Variants in ADAM10 observed in about 807,000 individuals in gnomAD.
The protein encoded by ADAM10 is ADAM metallopeptidase domain 10, also known as disintegrin and metalloproteinase domain-containing protein 10.
Under a neutral mutation model 90.1 loss-of-function variants are expected in ADAM10, and 17 were observed. The ratio of observed to expected loss-of-function variants is 0.19; its 90% CI spans 0.13 to 0.28. ADAM10 has a LOEUF of 0.28. ADAM10 is among the 10% of genes least tolerant of loss of function. The pLI is 1.00. For synonymous variants in ADAM10, 310 were observed against 298.6 expected, an observed-to-expected ratio of 1.04 and a Z score of -0.40; for missense variants, 610 against 914.3, an observed-to-expected ratio of 0.67 and a Z score of 4.29.
intron 4 of ADAM10, among the ~76,000 whole-genome samples, chr15:58,669,902 A>G (rs1897156587): frequency 6.6e-6 from 1 of 152,180 alleles, no homozygotes; most frequent in Admixed American, 6.6e-5. Context: ...TTGTGCTTAT[A>G]TAACATTTCA....
intron 14 of ADAM10, among the ~76,000 whole-genome samples, chr15:58,602,973 T>G (rs1895156391): frequency 6.6e-6 from 1 of 152,240 alleles, no homozygotes. Flanking sequence ...GCTGGCAAAC[T>G]TGTGAGAAAT....
intron 5 of ADAM10, among the ~76,000 whole-genome samples, chr15:58,663,112 T>C (rs896636793): frequency 6.6e-6 from 1 of 152,376 alleles, no homozygotes; most frequent in East Asian, 1.9e-4. Context: ...TAGTTAGATA[T>C]CAGTTACTCT....
chr15:58,642,315 A>C (rs546002207), intron 7 of ADAM10, among the ~76,000 whole-genome samples: 261 of 152,126 alleles, frequency 1.7e-3, no homozygotes, highest in African/African-American at 6.0e-3. Flanking sequence ...AAATACAAAA[A>C]TTAGCCGGGC....
At chr15:58,729,994 A>C (rs1899180499) in intron 1 of ADAM10, among the ~76,000 whole-genome samples, 1 of 128,066 alleles carries the variant, frequency 7.8e-6, no homozygotes. Context: ...AACAAAACAA[A>C]CAAACAAACA....
chr15:58,718,909 G>A (rs1291194479), intron 1 of ADAM10, among the ~76,000 whole-genome samples: 2 of 152,132 alleles, frequency 1.3e-5, no homozygotes, highest in African/African-American at 2.4e-5. Context: ...CTCTACCTAG[G>A]TTCCCTCTCA....
At chr15:58,620,066 A>C (rs1388321012) in intron 11 of ADAM10, among the ~76,000 whole-genome samples, 2 of 152,152 alleles carry the variant, frequency 1.3e-5, no homozygotes, top group Non-Finnish European at 2.9e-5. Flanking sequence ...AATATTAGGC[A>C]ATTTATCAGT....
chr15:58,702,572 A>C (rs1387288844), intron 2 of ADAM10, among the ~76,000 whole-genome samples: 1 of 152,232 alleles, frequency 6.6e-6, no homozygotes, highest in African/African-American at 2.4e-5. Context: ...CAAGTACCCC[A>C]GAAACATGTA....
intron 6 of ADAM10, among the ~76,000 whole-genome samples, 180 bp downstream of exon 6, chr15:58,645,875 A>G (rs1214097730): frequency 6.6e-6 from 1 of 152,290 alleles, no homozygotes; most frequent in Admixed American, 6.5e-5. Flanking sequence ...TTTTGACACT[A>G]AAATATCCCA....
chr15:58,688,446 T>TAAA (rs11381678), intron 2 of ADAM10, among the ~76,000 whole-genome samples: 1 of 150,074 alleles, frequency 6.7e-6, no homozygotes. Context: ...CACAAACTAT[T>TAAA]AAAAAAAACA....
intron 9 of ADAM10, among the ~76,000 whole-genome samples, chr15:58,631,169 C>T (rs540254380): frequency 1.7e-4 from 26 of 152,116 alleles, no homozygotes; most frequent in Non-Finnish European, 3.2e-4. Context: ...TGAGTAGATG[C>T]CAGCACCATG....
intron 14 of ADAM10, chr15:58,609,905 T>C (rs1208894428): frequency 7.8e-6 from 2 of 255,210 alleles, no homozygotes; most frequent in East Asian, 1.0e-4. Flanking sequence ...CCAGAGATTA[T>C]ACTGAAAGAT....
chr15:58,628,466 A>C (rs1896010342), intron 9 of ADAM10, among the ~76,000 whole-genome samples: 1 of 152,214 alleles, frequency 6.6e-6, no homozygotes. Context: ...ATAAAACCAA[A>C]ATACTGCTTT....
intron 1 of ADAM10, among the ~76,000 whole-genome samples, chr15:58,734,081 A>G (rs1277410773): frequency 6.6e-6 from 1 of 152,106 alleles, no homozygotes; most frequent in Non-Finnish European, 1.5e-5. Context: ...CCCAAACTAT[A>G]TATCCTATTT....
intron 14 of ADAM10, among the ~76,000 whole-genome samples, chr15:58,604,759 C>G (rs1353780680): frequency 6.6e-6 from 1 of 151,710 alleles, no homozygotes; most frequent in Non-Finnish European, 1.5e-5. Flanking sequence ...TTTTTTTTCT[C>G]TTTTAAGAGA....
chr15:58,655,082 A>G (rs984915173), intron 5 of ADAM10, among the ~76,000 whole-genome samples: 1 of 152,182 alleles, frequency 6.6e-6, no homozygotes, highest in African/African-American at 2.4e-5. Context: ...TCCATTGCTG[A>G]AAGTGGGGTA....
chr15:58,606,464 A>G (rs16940587), intron 14 of ADAM10, among the ~76,000 whole-genome samples: 1 of 152,078 alleles, frequency 6.6e-6, no homozygotes, highest in Non-Finnish European at 1.5e-5. Context: ...AAATTATTAC[A>G]TTTGAGAAAT....
chr15:58,657,580 T>G (rs890940880), intron 5 of ADAM10, among the ~76,000 whole-genome samples: 1 of 152,244 alleles, frequency 6.6e-6, no homozygotes, highest in Non-Finnish European at 1.5e-5. Flanking sequence ...TCTGATAGTA[T>G]TCCGAATTCC....
At chr15:58,659,980 G>A (rs1010374190) in intron 5 of ADAM10, among the ~76,000 whole-genome samples, 4 of 152,012 alleles carry the variant, frequency 2.6e-5, no homozygotes, top group East Asian at 1.9e-4. Context: ...CGCCTGCCTC[G>A]GCCTCCCAAA....
At chr15:58,620,556 G>A (rs1895749853) in intron 11 of ADAM10, among the ~76,000 whole-genome samples, 2 of 151,698 alleles carry the variant, frequency 1.3e-5, no homozygotes, top group South Asian at 4.2e-4. Context: ...AACTTGCCAA[G>A]TTAGAAAAGT....
Sources: gnomAD v4.1 joint callset for allele counts (sites outside exome capture counted in the v4.1 genomes callset) on GRCh38, gnomAD v4.1.1 for gene constraint, MANE v1.5 for transcripts, NCBI Gene and HGNC (gene_info 2026-07-23, HGNC 2026-07-21) for gene names.